The following TBC1D14 variants were observed in gnomAD, a reference collection of about 807,000 sequenced individuals.
The protein encoded by TBC1D14 is TBC1 domain family member 14.
TBC1D14 carries 26 observed loss-of-function variants against 79.0 expected under a neutral mutation model. That is an observed-to-expected ratio of 0.33 (90% CI 0.24 to 0.46). The LOEUF is 0.46. Among genes scored for constraint, TBC1D14 ranks in the 20% least tolerant of loss-of-function variants. The pLI is 1.00. For missense variants in TBC1D14, 769 were observed against 887.6 expected (o/e 0.87, Z 1.70); for synonymous variants, 394 against 349.9 (o/e 1.13, Z -1.40).
chr4:7,032,607 C>CG lies in TBC1D14; in HGVS notation c.*2216dup, dbSNP rs929872648. The stretch of plus-strand genomic sequence containing the variant: ...CCTGTTCAGGGGTCACATGAGGTCT[C>CG]GCCAGTTTCCTGGGTCCTCTTCAGA... On this transcript the variant is annotated 3_prime_UTR_variant, in exon 14 of 14. Transcript: ENST00000409757. The CG allele has an allele frequency of 1.3e-5, 2 of 152,224 alleles. No individual in the cohort carries two copies. Among genetic ancestry groups the CG allele is most frequent in the African/African-American group, 4.8e-5 (2 of 41,438 alleles). 9.4% of individuals were successfully genotyped at this position (152,224 alleles called of 1,614,324 possible).
At position 6,923,766 on chromosome 4, in the gene TBC1D14, A is replaced by C; in HGVS notation, c.377A>C (p.Lys126Thr). The part of the protein sequence containing the change: ...SSTEREQSVR[K>T]SSTFPRTGYD... ...ACCGAGCGGGAACAGAGCGTGCGCA[A>C]ATCCTCCACGTTTCCCAGGACAGGC... Residue 126 changes from lysine (K) to threonine (T), a missense_variant, in exon 2 of 14, where the codon AAA becomes ACA. Transcript: ENST00000409757. 6.2e-7 allele frequency: 1 copy of C among 1,614,050 alleles called. No homozygotes were observed.
chr4:7,003,710 C>T (rs767583633), intron 7 of TBC1D14, among the ~76,000 whole-genome samples: 24 of 152,084 alleles, frequency 1.6e-4, no homozygotes, highest in African/African-American at 2.4e-4. Flanking sequence ...ACATCAGAGC[C>T]AGAGGAGTGG....
chr4:7,031,426 G>A lies in TBC1D14; in HGVS notation c.*1034G>A, dbSNP rs1310049999. On this transcript the variant is annotated 3_prime_UTR_variant, in exon 14 of 14. Coordinates refer to ENST00000409757, the MANE Select transcript of TBC1D14 (RefSeq NM_020773.3). ...TTCATGACCCGTTGTACAGACGGAG[G>A]AGCGAGCAACACACGTCTAACAGCC... 6.6e-6 allele frequency: 1 copy of A among 152,264 alleles called. No individual in the cohort carries two copies. The highest frequency in any genetic ancestry group is 2.4e-5 in the African/African-American group (1 of 41,472). 9.4% of individuals were successfully genotyped at this position (152,264 alleles called of 1,614,324 possible).
chr4:6,912,305 G>A (rs1016489305), intron 1 of TBC1D14, among the ~76,000 whole-genome samples: 1 of 148,762 alleles, frequency 6.7e-6, no homozygotes, highest in African/African-American at 2.5e-5. Flanking sequence ...GCTTGAACCC[G>A]GGAGGTGGAG....
At chr4:6,933,604 G>A (rs1477669618) in intron 2 of TBC1D14, among the ~76,000 whole-genome samples, 5 of 151,974 alleles carry the variant, frequency 3.3e-5, no homozygotes, top group Non-Finnish European at 7.4e-5. Flanking sequence ...CACTGTGCCT[G>A]GCCTACCTCT....
chr4:7,018,445 C>T (rs575124799), intron 12 of TBC1D14, among the ~76,000 whole-genome samples: 16 of 152,350 alleles, frequency 1.1e-4, no homozygotes, highest in South Asian at 2.1e-4. Context: ...GCCCCAGCTC[C>T]ACCCACTCTC....
At chr4:6,983,914 A>C (rs887792249) in intron 3 of TBC1D14, among the ~76,000 whole-genome samples, 1 of 152,226 alleles carries the variant, frequency 6.6e-6, no homozygotes, top group Non-Finnish European at 1.5e-5. Flanking sequence ...TGGAAGTGAT[A>C]AGTTTCCGTT....
At chr4:6,956,978 C>T (rs933408385) in intron 2 of TBC1D14, among the ~76,000 whole-genome samples, 5 of 152,260 alleles carry the variant, frequency 3.3e-5, no homozygotes, top group Non-Finnish European at 5.9e-5. Context: ...GATTTGGTAT[C>T]TCCTCCACCA....
At chr4:6,940,777 C>G (rs1310375971) in intron 2 of TBC1D14, among the ~76,000 whole-genome samples, 1 of 152,170 alleles carries the variant, frequency 6.6e-6, no homozygotes, top group African/African-American at 2.4e-5. Flanking sequence ...GGACACAGTG[C>G]TCTATGTTCT....
chr4:6,951,626 C>T (rs1384554693), intron 2 of TBC1D14, among the ~76,000 whole-genome samples: 1 of 152,206 alleles, frequency 6.6e-6, no homozygotes, highest in Non-Finnish European at 1.5e-5. Context: ...AAAGGGACAT[C>T]AGAAAGTCCT....
intron 3 of TBC1D14, among the ~76,000 whole-genome samples, chr4:6,968,726 T>C (rs140339212): frequency 0.01 from 643 of 63,570 alleles, 5 homozygotes; most frequent in African/African-American, 0.025. Flanking sequence ...AGGCTGGCCA[T>C]GGGGCCTGTG....
chr4:6,980,168 A>G (rs1717234510), intron 3 of TBC1D14, among the ~76,000 whole-genome samples: 2 of 152,256 alleles, frequency 1.3e-5, no homozygotes, highest in Non-Finnish European at 1.5e-5. Flanking sequence ...AGAGAAGCTT[A>G]AAAATTTCAA....
intron 8 of TBC1D14, 59 bp from the exon 9 acceptor site, chr4:7,006,573 G>A (rs1314129574): frequency 8.7e-6 from 13 of 1,490,886 alleles, no homozygotes; most frequent in African/African-American, 1.4e-5. Context: ...TCAAAGGCTC[G>A]TAATTGTCCT....
At chr4:7,013,826 C>T (rs1192326309) in intron 11 of TBC1D14, among the ~76,000 whole-genome samples, 2 of 151,824 alleles carry the variant, frequency 1.3e-5, no homozygotes, top group Non-Finnish European at 2.9e-5. Flanking sequence ...TCACTGCAAG[C>T]TCCGCCTCCC....
At chr4:6,995,288 C>T (rs1475179673) in intron 4 of TBC1D14, 1 of 152,204 alleles carries the variant, frequency 6.6e-6, no homozygotes, top group Non-Finnish European at 1.5e-5. Context: ...AATCTGTTCA[C>T]TTTAAAAATC....
chr4:6,976,819 T>G (rs1716750901), intron 3 of TBC1D14, among the ~76,000 whole-genome samples: 1 of 152,106 alleles, frequency 6.6e-6, no homozygotes, highest in African/African-American at 2.4e-5. Flanking sequence ...AATAACAATG[T>G]GCTATAACAC....
chr4:6,951,404 GC>G (rs1304098256), intron 2 of TBC1D14, among the ~76,000 whole-genome samples: 1 of 152,172 alleles, frequency 6.6e-6, no homozygotes, highest in African/African-American at 2.4e-5. Flanking sequence ...GGGTGTGGTA[GC>G]CTGCAATCCC....
At chr4:6,957,745 C>G (rs1158534196) in intron 2 of TBC1D14, among the ~76,000 whole-genome samples, 4 of 152,070 alleles carry the variant, frequency 2.6e-5, no homozygotes, top group African/African-American at 7.2e-5. Context: ...GACCCTGTTT[C>G]TACAAAAATT....
intron 12 of TBC1D14, among the ~76,000 whole-genome samples, chr4:7,021,150 C>T (rs1721793284): frequency 6.6e-6 from 1 of 152,178 alleles, no homozygotes; most frequent in African/African-American, 2.4e-5. Flanking sequence ...CGGAACAGAC[C>T]TGGCTAGGTA....
Sources: allele counts gnomAD v4.1 joint callset (sites outside exome capture counted in the v4.1 genomes callset), GRCh38; gene constraint gnomAD v4.1.1; transcripts MANE v1.5; gene names NCBI Gene and HGNC (gene_info 2026-07-23, HGNC 2026-07-21).